USP3: variants seen among roughly 807,000 people sequenced by gnomAD.
The protein encoded by USP3 is ubiquitin specific peptidase 3.
USP3 carries 20 observed loss-of-function variants against 72.3 expected under a neutral mutation model. The observed-to-expected ratio is 0.28, with a 90% CI of 0.19 to 0.40. The LOEUF (loss-of-function observed/expected upper bound fraction) is 0.40. USP3 is among the 10% of genes least tolerant of loss of function. The pLI is 1.00. For synonymous variants in USP3, 222 were observed against 225.3 expected, an observed-to-expected ratio of 0.99 and a Z score of 0.13; for missense variants, 479 against 633.9, an observed-to-expected ratio of 0.76 and a Z score of 2.62.
intron 1 of USP3, among the ~76,000 whole-genome samples, chr15:63,520,793 C>T (rs1191220766): frequency 2.6e-5 from 4 of 151,858 alleles, no homozygotes; most frequent in Non-Finnish European, 5.9e-5. Flanking sequence ...GAACTCCTGA[C>T]CTCAAGTGAT....
At position 63,574,398 on chromosome 15, in the gene USP3, T is replaced by TA; in HGVS notation, c.1092dup (p.Arg365ThrfsTer14). On this transcript the variant is annotated frameshift_variant, in exon 11 of 15. Transcript: ENST00000380324. LOFTEE classifies it high-confidence loss of function. This position sits in a 1 kb window ranked among gnomAD's most constrained non-coding sequence, Gnocchi z 4.6. ...CAAGAAAATGGACCAGTTTGTTCGTTACGAGGTAAAGATACTTGAATGTTC... is the reference window on the plus strand; with the variant it reads ...CAAGAAAATGGACCAGTTTGTTCGTTAACGAGGTAAAGATACTTGAATGTTC... 1 of 1,602,676 alleles carries TA rather than the reference T, an allele frequency of 6.2e-7. No homozygotes were observed. The highest frequency in any genetic ancestry group is 2.3e-5 in the East Asian group (1 of 44,298).
intron 1 of USP3, among the ~76,000 whole-genome samples, chr15:63,518,002 C>T (rs946367695): frequency 8.6e-5 from 13 of 151,910 alleles, no homozygotes; most frequent in African/African-American, 2.9e-4. Context: ...TTAAGTGGGT[C>T]TTAGGTGGGA....
At chr15:63,551,510 A>G (rs1314881687) in intron 3 of USP3, among the ~76,000 whole-genome samples, 1 of 152,178 alleles carries the variant, frequency 6.6e-6, no homozygotes, top group Non-Finnish European at 1.5e-5. Flanking sequence ...TTACAATGCT[A>G]CATTGTTGCA....
In USP3 at chr15:63,528,640, C is replaced by T. The variant is rs1025490806; in HGVS notation, c.92-4007C>T. Among the ~76,000 whole-genome samples, 11 of 152,126 alleles carry T rather than the reference C, an allele frequency of 7.2e-5. No homozygotes were observed. Among genetic ancestry groups the T allele is most frequent in the Admixed American group, 2.0e-4 (3 of 15,282 alleles). On this transcript the variant is annotated intron_variant, in intron 1 of 14. Transcript: ENST00000380324. The surrounding 1 kb of genome is among the most constrained non-coding windows in gnomAD (Gnocchi z 4.3). Reference sequence around the variant, plus strand: ...TATGTTTCATTTAGGGCTTTACAGACGACCCTGGAAACCTTTAATACTGTT... The same window carrying T: ...TATGTTTCATTTAGGGCTTTACAGATGACCCTGGAAACCTTTAATACTGTT...
rs1423132886 is a variant in USP3 at position 63,594,116 on chromosome 15, G to C, written c.*3290G>C. The C allele has an allele frequency of 6.6e-6, 1 of 152,290 alleles. No homozygotes were observed. Among genetic ancestry groups the C allele is most frequent in the African/African-American group, 2.4e-5 (1 of 41,424 alleles). The allele number at this position is 152,290 out of a possible 1,614,324, so 9.4% of individuals were successfully genotyped here. ...TCAGCAGCTTGGTTTCTGGGGTTGGGGGCATATTTATTTCTTAAAGCCAAA... is the reference window on the plus strand; with the variant it reads ...TCAGCAGCTTGGTTTCTGGGGTTGGCGGCATATTTATTTCTTAAAGCCAAA... On this transcript the variant is annotated 3_prime_UTR_variant, in exon 15 of 15. Transcript: ENST00000380324.
chr15:63,535,686 A>G (rs2066144941), intron 2 of USP3, among the ~76,000 whole-genome samples: 2 of 152,232 alleles, frequency 1.3e-5, no homozygotes, highest in South Asian at 2.1e-4. Context: ...GAACGTGATC[A>G]CATTCCAAGT....
At chr15:63,542,538 A>G (rs1391932560) in intron 3 of USP3, among the ~76,000 whole-genome samples, 1 of 152,064 alleles carries the variant, frequency 6.6e-6, no homozygotes, top group African/African-American at 2.4e-5. Flanking sequence ...AAAATTATAT[A>G]ATTACCAAGT....
intron 2 of USP3, chr15:63,533,689 T>G (rs1277200211): frequency 2.8e-6 from 1 of 353,584 alleles, no homozygotes; most frequent in African/African-American, 2.2e-5. Context: ...AGTTTTGATT[T>G]TTCACATTTT....
At chr15:63,546,159 T>C (rs2066324666) in intron 3 of USP3, among the ~76,000 whole-genome samples, 1 of 152,074 alleles carries the variant, frequency 6.6e-6, no homozygotes. Context: ...AGCCTGGACC[T>C]CCTCTCCTAG....
rs543155173 is a variant in USP3, at chr15:63,525,490, C to A, written c.92-7157C>A. ...ATCAGACACTGATTTTGGCTGCCCT[C>A]GGACTGCCTGGGCACCTTGGCAGTT... On this transcript the variant is annotated intron_variant, in intron 1 of 14. Transcript: ENST00000380324. Among the ~76,000 whole-genome samples the A allele has an allele frequency of 3.9e-4, 59 of 152,316 alleles. 1 individual carries two copies. In the South Asian group the frequency reaches 0.011, roughly 28 times the overall value.
chr15:63,581,391 G>A (rs1386776691), intron 11 of USP3, among the ~76,000 whole-genome samples: 1 of 126,442 alleles, frequency 7.9e-6, no homozygotes, highest in African/African-American at 3.1e-5. Flanking sequence ...GTGTGTGTGT[G>A]TGTGTGTGTT....
intron 2 of USP3, 88 bp downstream of exon 2, chr15:63,532,795 T>G (rs1331581728): frequency 1.4e-6 from 2 of 1,383,602 alleles, no homozygotes; most frequent in African/African-American, 2.9e-5. Flanking sequence ...TGATTTGGAT[T>G]TAGTACCATT....
chr15:63,519,457 T>C (rs1442347245), intron 1 of USP3, among the ~76,000 whole-genome samples: 1 of 152,150 alleles, frequency 6.6e-6, no homozygotes, highest in Non-Finnish European at 1.5e-5. Flanking sequence ...ATTCAGGTAA[T>C]GCATTTTTGG....
At chr15:63,512,385 T>TTC (rs2065801226) in intron 1 of USP3, among the ~76,000 whole-genome samples, 5 of 150,836 alleles carry the variant, frequency 3.3e-5, no homozygotes, top group Admixed American at 2.0e-4. Flanking sequence ...CTTCTTTCTT[T>TTC]TTCTTCTTTC....
Position 63,529,006 on chromosome 15 carries a change from C to T in USP3, c.92-3641C>T. On this transcript the variant is annotated intron_variant, in intron 1 of 14. Transcript: ENST00000380324. This position sits in a 1 kb window ranked among gnomAD's most constrained non-coding sequence, Gnocchi z 4.2. ...CCTCATAATACCCTATCCTCTGTATCTTTCTAGCCTTCAAATGTTTATCTG... is the reference window on the plus strand; with the variant it reads ...CCTCATAATACCCTATCCTCTGTATTTTTCTAGCCTTCAAATGTTTATCTG... 1 of 1,288,796 alleles carries T rather than the reference C, an allele frequency of 7.8e-7. No individual in the cohort carries two copies. Among genetic ancestry groups the T allele is most frequent in the Non-Finnish European group, 1.0e-6 (1 of 988,498 alleles). 79.8% of individuals were successfully genotyped at this position (1,288,796 alleles called of 1,614,324 possible). A position where few individuals can be genotyped will look rare whatever the true frequency, so the allele number is the denominator to read the frequency against.
chr15:63,537,803 A>C (rs550988276), intron 3 of USP3, among the ~76,000 whole-genome samples: 1 of 152,184 alleles, frequency 6.6e-6, no homozygotes, highest in Non-Finnish European at 1.5e-5. Flanking sequence ...CTCCTGCCTC[A>C]GCCTCCCAAG....
At chr15:63,534,328 G>C (rs1167566857) in intron 2 of USP3, among the ~76,000 whole-genome samples, 1 of 152,014 alleles carries the variant, frequency 6.6e-6, no homozygotes, top group African/African-American at 2.4e-5. Flanking sequence ...CTTGTCTTTA[G>C]GGAAATCGTA....
chr15:63,557,272 T>TG (rs1381321387), intron 5 of USP3, among the ~76,000 whole-genome samples: 1 of 151,652 alleles, frequency 6.6e-6, no homozygotes, highest in African/African-American at 2.4e-5. Flanking sequence ...GTTTTTGTTT[T>TG]TTTTTTTTGA....
intron 8 of USP3, among the ~76,000 whole-genome samples, chr15:63,566,176 T>C (rs546498896): frequency 6.3e-4 from 96 of 152,358 alleles, no homozygotes; most frequent in African/African-American, 2.2e-3. Flanking sequence ...GTTCTTGTTA[T>C]AATTAATGTT....
Sources: gnomAD v4.1 joint callset for allele counts (sites outside exome capture counted in the v4.1 genomes callset) on GRCh38, gnomAD v4.1.1 for gene constraint, Gnocchi (gnomAD v3.1) non-coding constraint, MANE v1.5 for transcripts, NCBI Gene and HGNC (gene_info 2026-07-23, HGNC 2026-07-21) for gene names.